ZC2HC1C: variants seen among roughly 807,000 people sequenced by gnomAD.
ZC2HC1C encodes the protein zinc finger C2HC-type containing 1C, also known as zinc finger C2HC domain-containing protein 1C.
In ZC2HC1C, 25 loss-of-function variants were observed where a neutral mutation model predicts 39.2. That is an observed-to-expected ratio of 0.64 (90% CI 0.47 to 0.89). The LOEUF is 0.89. ZC2HC1C is among the 40% of genes least tolerant of loss of function. The pLI, the probability that ZC2HC1C is intolerant of heterozygous loss-of-function variation, is 0.00. For synonymous variants in ZC2HC1C, 209 were observed against 214.4 expected, an observed-to-expected ratio of 0.97 and a Z score of 0.22; for missense variants, 519 against 548.6, an observed-to-expected ratio of 0.95 and a Z score of 0.54.
rs1893791762 is a variant in ZC2HC1C, at chr14:75,079,041, G to A, written c.*1477G>A. ...AACAGATAGAAATCTTAGGATTACT[G>A]TTCTGTATTACTCAAATTGTTAGTT... On this transcript the variant is annotated 3_prime_UTR_variant, in exon 3 of 3. Coordinates refer to ENST00000524913, the MANE Select transcript of ZC2HC1C (RefSeq NM_024643.4). 1 of 152,052 alleles carries A rather than the reference G, an allele frequency of 6.6e-6. No homozygotes were observed. The highest frequency in any genetic ancestry group is 6.6e-5 in the Admixed American group (1 of 15,262). The allele number at this position is 152,052 out of a possible 1,614,324, so 9.4% of individuals were successfully genotyped here. A position where few individuals can be genotyped will look rare whatever the true frequency, so the allele number is the denominator to read the frequency against.
At chr14:75,073,843 T>C (rs1893538550) in intron 2 of ZC2HC1C, among the ~76,000 whole-genome samples, 1 of 152,204 alleles carries the variant, frequency 6.6e-6, no homozygotes, top group African/African-American at 2.4e-5. Context: ...GGATCTCATA[T>C]ACTTGAGGAA....
chr14:75,076,269 T>C (rs903140229), intron 2 of ZC2HC1C, among the ~76,000 whole-genome samples: 4 of 152,144 alleles, frequency 2.6e-5, no homozygotes, highest in Admixed American at 6.6e-5. Flanking sequence ...TTTCTATTTA[T>C]TTATTTATTT....
intron 2 of ZC2HC1C, among the ~76,000 whole-genome samples, chr14:75,072,441 C>T (rs1289178874): frequency 6.6e-6 from 1 of 152,204 alleles, no homozygotes; most frequent in African/African-American, 2.4e-5. Flanking sequence ...AACATAGCTT[C>T]TTAGTAAATA....
chr14:75,077,804 C>G lies in ZC2HC1C; in HGVS notation c.*240C>G, dbSNP rs772531935. 3.0e-4 allele frequency: 161 copies of G among 539,716 alleles called. No homozygotes were observed. The highest frequency in any genetic ancestry group is 6.7e-4 in the Admixed American group (21 of 31,154). The allele number at this position is 539,716 out of a possible 1,614,324, so 33.4% of individuals were successfully genotyped here. ...GGAAGCATTATAGTTGAGCAGACAA[C>G]AATGGAAACTTTTGGATAGTTCAGA... On this transcript the variant is annotated 3_prime_UTR_variant, in exon 3 of 3. Coordinates refer to ENST00000524913, the MANE Select transcript of ZC2HC1C (RefSeq NM_024643.4).
At position 75,071,747 on chromosome 14, in the gene ZC2HC1C, A is replaced by G; in HGVS notation, c.1174A>G (p.Ser392Gly). The G allele has an allele frequency of 6.2e-7, 1 of 1,614,180 alleles. No individual in the cohort carries two copies. The highest frequency in any genetic ancestry group is 8.5e-7 in the Non-Finnish European group (1 of 1,180,014). ...SIEEPQLGECSHCGRKFLSFR... is the reference protein window; with the variant it reads ...SIEEPQLGECGHCGRKFLSFR... Reference sequence around the variant, plus strand: ...TGAAGAGCCACAGCTGGGTGAGTGCAGCCACTGTGGGCGCAAATTCCTCTC... The same window carrying G: ...TGAAGAGCCACAGCTGGGTGAGTGCGGCCACTGTGGGCGCAAATTCCTCTC... The change falls in exon 2 of 3, where the codon AGC (serine) becomes GGC (glycine). Residue 392 changes from serine to glycine, a missense_variant. Coordinates refer to ENST00000524913, the MANE Select transcript of ZC2HC1C (RefSeq NM_024643.4).
At position 75,077,966 on chromosome 14, in the gene ZC2HC1C, G is replaced by C; in HGVS notation, c.*402G>C. The C allele has an allele frequency of 4.9e-6, 1 of 204,486 alleles. No homozygotes were observed. Among genetic ancestry groups the C allele is most frequent in the Non-Finnish European group, 9.9e-6 (1 of 100,710 alleles). 12.7% of individuals were successfully genotyped at this position (204,486 alleles called of 1,614,324 possible). ...ACTGCTAAGCAGCAGGAGGCAGAAG[G>C]AAGCCCCAGCTTCCCACTAAATTAC... On this transcript the variant is annotated 3_prime_UTR_variant, in exon 3 of 3. Coordinates refer to ENST00000524913, the MANE Select transcript of ZC2HC1C (RefSeq NM_024643.4).
At chr14:75,074,999 T>TC (rs1203055921) in intron 2 of ZC2HC1C, among the ~76,000 whole-genome samples, 1 of 152,236 alleles carries the variant, frequency 6.6e-6, no homozygotes, top group Non-Finnish European at 1.5e-5. Context: ...TAGTTAGCTT[T>TC]CACATTGTAA....
At chr14:75,077,001 G>A (rs1893702391) in intron 2 of ZC2HC1C, among the ~76,000 whole-genome samples, 1 of 152,172 alleles carries the variant, frequency 6.6e-6, no homozygotes, top group Non-Finnish European at 1.5e-5. Flanking sequence ...CTATGAGGAT[G>A]CCAATATGCT....
Position 75,070,614 on chromosome 14 carries a change from G to C in ZC2HC1C, c.41G>C (p.Gly14Ala). ...CGGTTGGCGTCACATCTGCCTGTGG[G>C]CGTTATGCTCCCACATAATACAACG... ...LQRLASHLPV[G>A]VMLPHNTTEA... Residue 14 changes from glycine (G) to alanine (A), a missense_variant, in exon 2 of 3, where the codon GGC (glycine) becomes GCC (alanine). Transcript: ENST00000524913. The C allele has an allele frequency of 6.2e-7, 1 of 1,613,866 alleles. No homozygotes were observed. The highest frequency in any genetic ancestry group is 8.5e-7 in the Non-Finnish European group (1 of 1,179,890).
Position 75,070,993 on chromosome 14 carries a change from A to G in ZC2HC1C, c.420A>G (p.Pro140=), listed in dbSNP as rs1170094423. 1 of 1,614,144 alleles carries G rather than the reference A, an allele frequency of 6.2e-7. No individual in the cohort carries two copies. The highest frequency in any genetic ancestry group is 8.5e-7 in the Non-Finnish European group (1 of 1,180,020). ...KKRVGVDRAF[P]LKPMVHRKSC... ...GAGTTGGAGTGGACCGGGCGTTCCC[A>G]TTGAAACCCATGGTCCACAGGAAGT... is the stretch of plus-strand genomic sequence containing the variant. Residue 140 remains proline (P), a synonymous_variant, in exon 2 of 3, where the codon CCA becomes CCG. Transcript: ENST00000524913.
intron 2 of ZC2HC1C, 53 bp downstream of exon 2, chr14:75,071,964 GT>G: frequency 6.6e-7 from 1 of 1,513,072 alleles, no homozygotes; most frequent in Non-Finnish European, 8.8e-7. Flanking sequence ...GTAGGGGTCT[GT>G]TTTGTCATCA....
rs1235584835 is a variant in ZC2HC1C at position 75,079,300 on chromosome 14, G to A, written c.*1736G>A. On this transcript the variant is annotated 3_prime_UTR_variant, in exon 3 of 3. Coordinates refer to ENST00000524913, the MANE Select transcript of ZC2HC1C (RefSeq NM_024643.4). Reference sequence around the variant, plus strand: ...TGTGAGTTAAGGCTTTAGCGGTGAAGCTGCAGGACACAGGCTGGGAAAAAA... The same window carrying A: ...TGTGAGTTAAGGCTTTAGCGGTGAAACTGCAGGACACAGGCTGGGAAAAAA... 6.6e-6 allele frequency: 1 copy of A among 151,450 alleles called. No homozygotes were observed. Among genetic ancestry groups the A allele is most frequent in the Non-Finnish European group, 1.5e-5 (1 of 67,996 alleles). The allele number at this position is 151,450 out of a possible 1,614,324, so 9.4% of individuals were successfully genotyped here. A position where few individuals can be genotyped will look rare whatever the true frequency, so the allele number is the denominator to read the frequency against.
rs66560922 is a variant in ZC2HC1C at position 75,079,215 on chromosome 14, C to CAAAAAAAAAAAAA, written c.*1659_*1671dup. ...CTGGTGACCTAGTGAGACTCCATCTCAAAAAAAAAAAAAAAAAAAAGAAAA... is the reference window on the plus strand; with the variant it reads ...CTGGTGACCTAGTGAGACTCCATCTCAAAAAAAAAAAAAAAAAAAAAAAAAAAAAAAAAGAAAA... On this transcript the variant is annotated 3_prime_UTR_variant, in exon 3 of 3. Transcript: ENST00000524913. The CAAAAAAAAAAAAA allele has an allele frequency of 2.3e-5, 2 of 85,234 alleles. No individual in the cohort carries two copies. The highest frequency in any genetic ancestry group is 4.5e-5 in the African/African-American group (1 of 22,190). 5.3% of individuals were successfully genotyped at this position (85,234 alleles called of 1,614,324 possible).
intron 2 of ZC2HC1C, among the ~76,000 whole-genome samples, chr14:75,074,830 C>T (rs175496): frequency 0.48 from 73,113 of 152,030 alleles, 18,023 homozygotes; most frequent in Middle Eastern, 0.56. Flanking sequence ...CCTCGGCCTC[C>T]CAGAGTGCTG....
At position 75,070,918 on chromosome 14, in the gene ZC2HC1C, C is replaced by T; in HGVS notation, c.345C>T (p.Ser115=). 6.2e-7 allele frequency: 1 copy of T among 1,614,188 alleles called. No homozygotes were observed. Among genetic ancestry groups the T allele is most frequent in the Non-Finnish European group, 8.5e-7 (1 of 1,180,034 alleles). The change falls in exon 2 of 3, where the codon TCC becomes TCT. Residue 115 remains serine (S), a synonymous_variant. Transcript: ENST00000524913. ...NGLFYSSGPQ[S]WYPKANNQDF... ...TGTTTTACTCGTCAGGCCCTCAATC[C>T]TGGTATCCCAAAGCCAATAACCAGG...
chr14:75,073,693 C>A, intron 2 of ZC2HC1C: 3 of 1,158,238 alleles, frequency 2.6e-6, no homozygotes, highest in Non-Finnish European at 2.3e-6. Context: ...TACACCCTGT[C>A]TCTCTCCTGG....
chr14:75,070,807 A>G lies in ZC2HC1C; in HGVS notation c.234A>G (p.Thr78=). The change falls in exon 2 of 3, where the codon ACA becomes ACG. Residue 78 remains threonine (T), a synonymous_variant. Coordinates refer to ENST00000524913, the MANE Select transcript of ZC2HC1C (RefSeq NM_024643.4). ...VYTHPKWNTQ[T]KARSYSYPHC... The stretch of plus-strand genomic sequence containing the variant: ...CTCACCCCAAATGGAACACCCAAAC[A>G]AAAGCCCGGAGCTACTCCTATCCCC... 1 of 1,614,210 alleles carries G rather than the reference A, an allele frequency of 6.2e-7. No homozygotes were observed.
intron 2 of ZC2HC1C, among the ~76,000 whole-genome samples, chr14:75,073,877 A>C (rs1334315185): frequency 6.6e-6 from 1 of 152,284 alleles, no homozygotes; most frequent in East Asian, 1.9e-4. Flanking sequence ...AAATTCTTTG[A>C]GAGGAACTTT....
chr14:75,071,368 A>G lies in ZC2HC1C; in HGVS notation c.795A>G (p.Lys265=). The G allele has an allele frequency of 6.2e-7, 1 of 1,614,016 alleles. No individual in the cohort carries two copies. Among genetic ancestry groups the G allele is most frequent in the African/African-American group, 1.3e-5 (1 of 74,998 alleles). The change falls in exon 2 of 3, where the codon AAA becomes AAG. Residue 265 remains lysine, a synonymous_variant. Transcript: ENST00000524913. The part of the protein sequence containing the change: ...AKENENGELQ[K]IILPRSRVKG... ...AAAATGAAAACGGAGAGCTACAGAAAATTATACTCCCCAGGAGCAGAGTTA... is the reference window on the plus strand; with the variant it reads ...AAAATGAAAACGGAGAGCTACAGAAGATTATACTCCCCAGGAGCAGAGTTA...
Sources: gnomAD v4.1 joint callset for allele counts (sites outside exome capture counted in the v4.1 genomes callset) on GRCh38, gnomAD v4.1.1 for gene constraint, MANE v1.5 for transcripts, NCBI Gene and HGNC (gene_info 2026-07-23, HGNC 2026-07-21) for gene names.